The following CREBRF variants were observed in gnomAD, a reference collection of about 807,000 sequenced individuals.
CREBRF encodes the protein UPF0474 protein C5orf41.
CREBRF carries 5 observed loss-of-function variants against 66.1 expected under a neutral mutation model. That is an observed-to-expected ratio of 0.08 (90% CI 0.04 to 0.16). CREBRF has a LOEUF of 0.16. CREBRF is among the 10% of genes least tolerant of loss of function. CREBRF has a pLI of 1.00. For synonymous variants in CREBRF, 229 were observed against 264.4 expected, an observed-to-expected ratio of 0.87 and a Z score of 1.30; for missense variants, 531 against 744.9, an observed-to-expected ratio of 0.71 and a Z score of 3.34.
intron 8 of CREBRF, among the ~76,000 whole-genome samples, chr5:173,125,327 T>C (rs72816147): frequency 0.092 from 14,000 of 152,278 alleles, 778 homozygotes; most frequent in South Asian, 0.16. Context: ...TCTAATTATT[T>C]TCTGAATTCT....
intron 7 of CREBRF, 28 bp downstream of exon 7, chr5:173,112,407 T>C: frequency 7.1e-7 from 1 of 1,406,702 alleles, no homozygotes; most frequent in Non-Finnish European, 9.9e-7. Context: ...AGAAGTTGAT[T>C]AACCACCTAT....
At chr5:173,059,921 T>C (rs1366332883) in intron 1 of CREBRF, among the ~76,000 whole-genome samples, 1 of 152,220 alleles carries the variant, frequency 6.6e-6, no homozygotes, top group East Asian at 1.9e-4. Context: ...TTCTCTGTCA[T>C]GGCAGGTGAA....
intron 4 of CREBRF, among the ~76,000 whole-genome samples, chr5:173,102,632 A>G (rs1218358991): frequency 6.6e-6 from 1 of 152,022 alleles, no homozygotes; most frequent in Non-Finnish European, 1.5e-5. Flanking sequence ...TTGAGTCTGA[A>G]TCCACGAGAA....
In CREBRF at chr5:173,106,384, C is replaced by T. The variant is rs931122347; in HGVS notation, c.1223-2240C>T. 1.1e-4 allele frequency among the ~76,000 whole-genome samples: 17 copies of T among 151,090 alleles called. 1 individual carries two copies. The highest frequency in any genetic ancestry group is 9.9e-4 in the Admixed American group (15 of 15,152). On this transcript the variant is annotated intron_variant, in intron 4 of 8. Transcript: ENST00000296953. ...GGCGGAGCTTGCAGTGAGCCAAGAT[C>T]GTGCCACTGCACTCCAGCCTGGGCG...
At chr5:173,058,294 C>G (rs1376907650) in intron 1 of CREBRF, among the ~76,000 whole-genome samples, 1 of 152,114 alleles carries the variant, frequency 6.6e-6, no homozygotes, top group Middle Eastern at 3.2e-3. Flanking sequence ...GGATTACAAC[C>G]TGTGGCTACG....
chr5:173,108,590 AT>A, intron 4 of CREBRF, 33 bp from the exon 5 acceptor site: 2 of 1,569,462 alleles, frequency 1.3e-6, no homozygotes, highest in Non-Finnish European at 1.7e-6. Context: ...ATTGAAATTT[AT>A]GGAGCTTAAA....
At chr5:173,131,759 G>T (rs1459411769) in intron 8 of CREBRF, among the ~76,000 whole-genome samples, 1 of 151,966 alleles carries the variant, frequency 6.6e-6, no homozygotes, top group Non-Finnish European at 1.5e-5. Context: ...TGGAGACGGA[G>T]TCTTGCTCTG....
chr5:173,113,658 G>C (rs1368016164), intron 7 of CREBRF, among the ~76,000 whole-genome samples: 1 of 152,110 alleles, frequency 6.6e-6, no homozygotes, highest in African/African-American at 2.4e-5. Context: ...GGAACTACTG[G>C]CTTTGATCTA....
rs552768865 is a variant in CREBRF at position 173,136,714 on chromosome 5, T to A, written c.*2969T>A. On this transcript the variant is annotated 3_prime_UTR_variant, in exon 9 of 9. Transcript: ENST00000296953. ...TAGTGTATCACACAAACCAATCTTA[T>A]AAGGGTAATGTAAAAACCCCAACAA... is the stretch of plus-strand genomic sequence containing the variant. The A allele has an allele frequency of 1.3e-5, 2 of 152,596 alleles. No individual in the cohort carries two copies. The highest frequency in any genetic ancestry group is 4.8e-5 in the African/African-American group (2 of 41,566). The allele number at this position is 152,596 out of a possible 1,614,324, so 9.5% of individuals were successfully genotyped here.
In CREBRF at chr5:173,090,270, C is replaced by A; in HGVS notation, c.136-45C>A. On this transcript the variant is annotated intron_variant, in intron 3 of 8. Coordinates refer to ENST00000296953, the MANE Select transcript of CREBRF (RefSeq NM_153607.3). The surrounding 1 kb of genome is among the most constrained non-coding windows in gnomAD (Gnocchi z 4.5). ...TTTGACATATGGAGGTGAATATTTCCTTCTGAAATATGATGTGCAATTTCT... is the reference window on the plus strand; with the variant it reads ...TTTGACATATGGAGGTGAATATTTCATTCTGAAATATGATGTGCAATTTCT... 6.8e-7 allele frequency: 1 copy of A among 1,469,648 alleles called. No individual in the cohort carries two copies. The allele number at this position is 1,469,648 out of a possible 1,614,324, so 91.0% of individuals were successfully genotyped here.
intron 7 of CREBRF, among the ~76,000 whole-genome samples, chr5:173,116,172 A>T (rs1283579646): frequency 6.6e-6 from 1 of 152,228 alleles, no homozygotes; most frequent in East Asian, 1.9e-4. Context: ...GAAGAGGTAG[A>T]GATTAATTTC....
chr5:173,124,889 C>T (rs1759231219), intron 8 of CREBRF, among the ~76,000 whole-genome samples: 1 of 146,494 alleles, frequency 6.8e-6, no homozygotes, highest in Admixed American at 6.9e-5. Context: ...TTTTCTTCTT[C>T]TTTCTTCCTT....
intron 4 of CREBRF, among the ~76,000 whole-genome samples, chr5:173,093,563 C>T (rs2113743915): frequency 6.6e-6 from 1 of 152,312 alleles, no homozygotes; most frequent in South Asian, 2.1e-4. Context: ...ATTGCCTAGG[C>T]TGGAGTGCGG....
chr5:173,109,654 G>A (rs1030999287), intron 5 of CREBRF: 1 of 152,144 alleles, frequency 6.6e-6, no homozygotes, highest in African/African-American at 2.4e-5. Context: ...AAAAAAGTGG[G>A]GAGGGGAACT....
At chr5:173,066,195 C>A (rs1366584146) in intron 1 of CREBRF, among the ~76,000 whole-genome samples, 5 of 152,112 alleles carry the variant, frequency 3.3e-5, no homozygotes, top group Non-Finnish European at 5.9e-5. Context: ...AAGCTGATTC[C>A]CTCTTGGGAA....
At chr5:173,092,331 G>A (rs1213211604) in intron 4 of CREBRF, 1 of 983,730 alleles carries the variant, frequency 1.0e-6, no homozygotes, top group Non-Finnish European at 1.2e-6. Flanking sequence ...TGAGCATGAA[G>A]GAGACTCTGC....
intron 4 of CREBRF, among the ~76,000 whole-genome samples, chr5:173,100,464 G>A (rs1332831294): frequency 4.0e-5 from 6 of 149,484 alleles, no homozygotes; most frequent in South Asian, 2.1e-4. Context: ...TCACTCTCTC[G>A]CCCAGGCTGG....
At chr5:173,058,951 A>G (rs1467236491) in intron 1 of CREBRF, among the ~76,000 whole-genome samples, 3 of 151,178 alleles carry the variant, frequency 2.0e-5, no homozygotes, top group Admixed American at 1.3e-4. Flanking sequence ...GCGTGCCACC[A>G]TGCCTGGCTA....
At chr5:173,081,563 A>T (rs1331029705) in intron 2 of CREBRF, among the ~76,000 whole-genome samples, 1 of 151,876 alleles carries the variant, frequency 6.6e-6, no homozygotes, top group Non-Finnish European at 1.5e-5. Context: ...ATTTGCTGGG[A>T]TTGTCTGGTG....
Sources: allele counts gnomAD v4.1 joint callset (sites outside exome capture counted in the v4.1 genomes callset), GRCh38; gene constraint gnomAD v4.1.1; non-coding constraint Gnocchi (gnomAD v3.1); transcripts MANE v1.5; gene names NCBI Gene and HGNC (gene_info 2026-07-23, HGNC 2026-07-21).